Variants in FKBP15 observed in about 807,000 individuals in gnomAD.
FKBP15 encodes the protein FKBP prolyl isomerase family member 15.
A neutral mutation model predicts 158.1 loss-of-function variants in FKBP15; 106 were observed. The observed-to-expected ratio is 0.67, with a 90% CI of 0.57 to 0.79. The LOEUF is 0.79. Among genes scored for constraint, FKBP15 ranks in the 30% least tolerant of loss-of-function variants. FKBP15 has a pLI of 0.00. For synonymous variants in FKBP15, 547 were observed against 548.6 expected (o/e 1.00, Z 0.04); for missense variants, 1,287 against 1,479.1 (o/e 0.87, Z 2.13).
chr9:113,176,107 C>T (rs1830295454), intron 21 of FKBP15, among the ~76,000 whole-genome samples: 1 of 152,130 alleles, frequency 6.6e-6, no homozygotes, highest in African/African-American at 2.4e-5. Flanking sequence ...AAAATAAAAA[C>T]ATAAATATCC....
intron 1 of FKBP15, among the ~76,000 whole-genome samples, chr9:113,214,194 C>T (rs144207293): frequency 0.03 from 4,545 of 152,276 alleles, 91 homozygotes; most frequent in African/African-American, 0.038. Context: ...AGGGTTTCAC[C>T]ATGTTGCCCA....
rs761245906 is a variant in FKBP15 at position 113,187,760 on chromosome 9, T to C, written c.1383+33A>G. Reference sequence around the variant, plus strand: ...GACTGACTAGAACCACAGCAAATTATAGGATATAATTAATACGGTTATAAA... The same window carrying C: ...GACTGACTAGAACCACAGCAAATTACAGGATATAATTAATACGGTTATAAA... On this transcript the variant is annotated intron_variant, in intron 14 of 27. Coordinates refer to ENST00000238256, the MANE Select transcript of FKBP15 (RefSeq NM_015258.2). 3.3e-6 allele frequency: 5 copies of C among 1,512,498 alleles called. No homozygotes were observed. The African/African-American group carries it at 5.5e-5, about 17-fold the overall frequency. 93.7% of individuals were successfully genotyped at this position (1,512,498 alleles called of 1,614,324 possible).
Position 113,186,306 on chromosome 9 carries a change from G to A in FKBP15, c.1441C>T (p.Leu481=), listed in dbSNP as rs377019210. ...YPQASAVTSQ[L]QPVRPLYPAP... The stretch of plus-strand genomic sequence containing the variant: ...GGGTACAAAGGCCGAACGGGCTGCA[G>A]CTGGGAGGTGACGGCAGATGCCTGG... Residue 481 remains leucine (L), a synonymous_variant, in exon 15 of 28, where the codon CTG becomes TTG. Transcript: ENST00000238256. 4.5e-6 allele frequency: 7 copies of A among 1,571,592 alleles called. No individual in the cohort carries two copies. The Admixed American group carries it at 9.3e-5, about 21-fold the overall frequency.
Position 113,190,461 on chromosome 9 carries a change from G to T in FKBP15, c.1173+10C>A, listed in dbSNP as rs1172450469. ...GTACTATTCATTCTAATACAGCCAG[G>T]GGGACATACTTCGATTTCTGAATCA... On this transcript the variant is annotated intron_variant, in intron 12 of 27. Coordinates refer to ENST00000238256, the MANE Select transcript of FKBP15 (RefSeq NM_015258.2). The T allele has an allele frequency of 2.9e-5, 46 of 1,591,146 alleles. No individual in the cohort carries two copies. In the East Asian group the frequency reaches 1.0e-3, roughly 36 times the overall value.
At chr9:113,191,335 T>G (rs7853006) in intron 11 of FKBP15, among the ~76,000 whole-genome samples, 83,024 of 151,728 alleles carry the variant, frequency 0.55, 22,986 homozygotes, top group East Asian at 0.64. Flanking sequence ...TTTTGTATTT[T>G]TGGTCGAGAA....
intron 19 of FKBP15, among the ~76,000 whole-genome samples, chr9:113,180,862 C>T (rs1830383329): frequency 6.6e-6 from 1 of 152,118 alleles, no homozygotes; most frequent in African/African-American, 2.4e-5. Context: ...ATTTCATTTA[C>T]CAAATATTCA....
chr9:113,180,785 T>C (rs1222904480), intron 19 of FKBP15, among the ~76,000 whole-genome samples: 1 of 152,224 alleles, frequency 6.6e-6, no homozygotes, highest in Non-Finnish European at 1.5e-5. Flanking sequence ...CAACCTCTAA[T>C]AGCTCTTCCA....
Position 113,161,766 on chromosome 9 carries a change from A to G in FKBP15, c.*4312T>C, listed in dbSNP as rs1830017624. 1 of 1,542,872 alleles carries G rather than the reference A, an allele frequency of 6.5e-7. No homozygotes were observed. Among genetic ancestry groups the G allele is most frequent in the African/African-American group, 1.4e-5 (1 of 73,616 alleles). The stretch of plus-strand genomic sequence containing the variant: ...CACCCTGAGAGACAGGCTGGCCCAG[A>G]CAGCATTAGCCCCACTTCACAGAGA... On this transcript the variant is annotated 3_prime_UTR_variant, in exon 28 of 28. Coordinates refer to ENST00000238256, the MANE Select transcript of FKBP15 (RefSeq NM_015258.2).
At position 113,187,900 on chromosome 9, in the gene FKBP15, C is replaced by T; in HGVS notation, c.1277-1G>A. ...AGCCCAGTAACAGATGGCTGAGGTG[C>T]TAAGATAAAGGGAGACATTTTCACT... On this transcript the variant is annotated splice_acceptor_variant, in intron 13 of 27. Transcript: ENST00000238256. LOFTEE classifies it high-confidence loss of function. 1 of 1,612,008 alleles carries T rather than the reference C, an allele frequency of 6.2e-7. No individual in the cohort carries two copies. Among genetic ancestry groups the T allele is most frequent in the Non-Finnish European group, 8.5e-7 (1 of 1,178,332 alleles).
In FKBP15 at chr9:113,220,659, G is replaced by T. The variant is rs2118972487; in HGVS notation, c.53+532C>A. Among the ~76,000 whole-genome samples, 3 of 152,318 alleles carry T rather than the reference G, an allele frequency of 2.0e-5. 1 individual carries two copies. In the South Asian group the frequency reaches 6.2e-4, roughly 32 times the overall value. On this transcript the variant is annotated intron_variant, in intron 1 of 27. Coordinates refer to ENST00000238256, the MANE Select transcript of FKBP15 (RefSeq NM_015258.2). ...CCGGTGAGGACTCATAATCTAATAGGTGCGGGGTATAAGAATAGAGGCAAA... is the reference window on the plus strand; with the variant it reads ...CCGGTGAGGACTCATAATCTAATAGTTGCGGGGTATAAGAATAGAGGCAAA...
chr9:113,207,347 A>ATTTTTTTTTT, intron 2 of FKBP15, 51 bp from the exon 3 acceptor site: 3 of 1,407,316 alleles, frequency 2.1e-6, no homozygotes, highest in Non-Finnish European at 2.0e-6. Context: ...GCTTTAAACT[A>ATTTTTTTTTT]ATTTTTTTTA....
rs772818177 is a variant in FKBP15 at position 113,221,171 on chromosome 9, C to T, written c.53+20G>A. ...TATCTCTCAGCCACGCCCTCCAGCGCATACTTCTCAGTCACTCACCCGCCG... is the reference window on the plus strand; with the variant it reads ...TATCTCTCAGCCACGCCCTCCAGCGTATACTTCTCAGTCACTCACCCGCCG... On this transcript the variant is annotated intron_variant, in intron 1 of 27. Coordinates refer to ENST00000238256, the MANE Select transcript of FKBP15 (RefSeq NM_015258.2). 1 of 1,600,386 alleles carries T rather than the reference C, an allele frequency of 6.2e-7. No individual in the cohort carries two copies. The highest frequency in any genetic ancestry group is 1.3e-5 in the African/African-American group (1 of 74,710).
intron 27 of FKBP15, among the ~76,000 whole-genome samples, chr9:113,166,504 T>G (rs1314704896): frequency 6.6e-6 from 1 of 152,118 alleles, no homozygotes; most frequent in African/African-American, 2.4e-5. Context: ...ACTGGAGCAG[T>G]AGGAAGAAAC....
At chr9:113,219,861 A>G (rs1027413134) in intron 1 of FKBP15, among the ~76,000 whole-genome samples, 4 of 152,232 alleles carry the variant, frequency 2.6e-5, no homozygotes, top group African/African-American at 9.6e-5. Context: ...CTGTAAAATA[A>G]CTGAGAAACG....
At chr9:113,169,074 T>C in intron 26 of FKBP15, 150 bp downstream of exon 26, 3 of 1,064,756 alleles carry the variant, frequency 2.8e-6, no homozygotes, top group Non-Finnish European at 3.8e-6. Flanking sequence ...GCCTTGTACA[T>C]GGTAGGTGTT....
At chr9:113,183,296 A>G (rs991505442) in intron 18 of FKBP15, among the ~76,000 whole-genome samples, 11 of 152,050 alleles carry the variant, frequency 7.2e-5, no homozygotes, top group African/African-American at 2.7e-4. Flanking sequence ...CATCCTCCCC[A>G]CCCACCCCTC....
rs1182576135 is a variant in FKBP15 at position 113,162,655 on chromosome 9, G to C, written c.*3423C>G. 1 of 1,190,914 alleles carries C rather than the reference G, an allele frequency of 8.4e-7. No homozygotes were observed. The highest frequency in any genetic ancestry group is 1.2e-6 in the Non-Finnish European group (1 of 839,760). The allele number at this position is 1,190,914 out of a possible 1,614,324, so 73.8% of individuals were successfully genotyped here. ...ACAAGTTATAAATCAATCGGGTCAC[G>C]TAACTCAACAGCTTTCTACTCCCTG... is the stretch of plus-strand genomic sequence containing the variant. On this transcript the variant is annotated 3_prime_UTR_variant, in exon 28 of 28. Coordinates refer to ENST00000238256, the MANE Select transcript of FKBP15 (RefSeq NM_015258.2).
Position 113,190,670 on chromosome 9 carries a change from C to T in FKBP15, c.1066-92G>A, listed in dbSNP as rs188816295. 181 of 856,934 alleles carry T rather than the reference C, an allele frequency of 2.1e-4. No homozygotes were observed. In the Admixed American group the frequency reaches 4.0e-3, roughly 19 times the overall value. The allele number at this position is 856,934 out of a possible 1,614,324, so 53.1% of individuals were successfully genotyped here. On this transcript the variant is annotated intron_variant, in intron 11 of 27. Coordinates refer to ENST00000238256, the MANE Select transcript of FKBP15 (RefSeq NM_015258.2). ...CCTTTGGCTCTTGTATCAAATCCTTCAACAAATCCCCCTACCATATCTATT... is the reference window on the plus strand; with the variant it reads ...CCTTTGGCTCTTGTATCAAATCCTTTAACAAATCCCCCTACCATATCTATT...
At position 113,162,186 on chromosome 9, in the gene FKBP15, C is replaced by T. The variant is rs1451921809; in HGVS notation, c.*3892G>A. On this transcript the variant is annotated 3_prime_UTR_variant, in exon 28 of 28. Transcript: ENST00000238256. The stretch of plus-strand genomic sequence containing the variant: ...CTGTCCAGCCCCAGCCTCACCTGTG[C>T]TTAATAAGCCTGCCCGCTCCATCAC... 4 of 295,620 alleles carry T rather than the reference C, an allele frequency of 1.4e-5. No individual in the cohort carries two copies. Among genetic ancestry groups the T allele is most frequent in the Non-Finnish European group, 2.6e-5 (4 of 153,606 alleles). The allele number at this position is 295,620 out of a possible 1,614,324, so 18.3% of individuals were successfully genotyped here.
Sources: gnomAD v4.1 joint callset for allele counts (sites outside exome capture counted in the v4.1 genomes callset) on GRCh38, gnomAD v4.1.1 for gene constraint, MANE v1.5 for transcripts, NCBI Gene and HGNC (gene_info 2026-07-23, HGNC 2026-07-21) for gene names.